OPTC: variants seen among roughly 807,000 people sequenced by gnomAD.
The protein encoded by OPTC is oculoglycan.
A neutral mutation model predicts 25.4 loss-of-function variants in OPTC; 22 were observed. The observed-to-expected ratio is 0.87, with a 90% CI of 0.62 to 1.24. OPTC has a LOEUF of 1.24. Ranked by LOEUF, OPTC falls within the 50% of genes most tolerant of loss-of-function variation. OPTC has a pLI of 0.00. For missense variants in OPTC, 417 were observed against 425.2 expected, an observed-to-expected ratio of 0.98 and a Z score of 0.17; for synonymous variants, 169 against 179.3, an observed-to-expected ratio of 0.94 and a Z score of 0.46.
chr1:203,507,159 T>C (rs1661505507), intron 7 of OPTC, among the ~76,000 whole-genome samples: 1 of 152,200 alleles, frequency 6.6e-6, no homozygotes, highest in African/African-American at 2.4e-5. Context: ...TCGATCTTGA[T>C]GTGAACAGCT....
At chr1:203,502,307 G>A (rs1383542814) in intron 5 of OPTC, among the ~76,000 whole-genome samples, 1 of 152,118 alleles carries the variant, frequency 6.6e-6, no homozygotes, top group Middle Eastern at 3.2e-3. Context: ...TGCTGGTCTG[G>A]CTGTCTCCCG....
intron 1 of OPTC, among the ~76,000 whole-genome samples, chr1:203,494,641 C>T (rs578176627): frequency 1.3e-5 from 2 of 151,380 alleles, no homozygotes; most frequent in Non-Finnish European, 2.9e-5. Context: ...AGAGTGACAC[C>T]GTCTTAAAAA....
intron 1 of OPTC, among the ~76,000 whole-genome samples, chr1:203,495,690 T>G (rs1173118252): frequency 6.6e-6 from 1 of 152,170 alleles, no homozygotes; most frequent in Non-Finnish European, 1.5e-5. Context: ...TGTGAATGTG[T>G]CTGTGTTGAG....
Position 203,496,229 on chromosome 1 carries a change from T to A in OPTC, c.224T>A (p.Leu75His). Reference protein sequence around the residue: ...YEELTDYGDQLPEVKVTSLAP... With the variant: ...YEELTDYGDQHPEVKVTSLAP... ...GAGCTCACAGATTATGGGGACCAAC[T>A]CCCCGAGGTGAGGGACACAGCAGAC... Residue 75 changes from leucine (L) to histidine (H), a missense_variant, in exon 2 of 8, where the codon CTC (leucine) becomes CAC (histidine). Physicochemically the swap from Leu to His is moderately conservative, Grantham distance 99. Coordinates refer to ENST00000367222, the MANE Select transcript of OPTC (RefSeq NM_014359.4). 1 of 1,611,640 alleles carries A rather than the reference T, an allele frequency of 6.2e-7. No homozygotes were observed. Among genetic ancestry groups the A allele is most frequent in the Non-Finnish European group, 8.5e-7 (1 of 1,177,788 alleles).
In OPTC at chr1:203,503,536, T is replaced by C. The variant is rs1274366560; in HGVS notation, c.829-14T>C. ...GCCTCTTGGTGAGGCTCAGCTGGTA[T>C]GTGTTCTTCCCAGAATAACCTGATA... On this transcript the variant is annotated splice_polypyrimidine_tract_variant and intron_variant, in intron 6 of 7. Transcript: ENST00000367222. 20 of 1,612,922 alleles carry C rather than the reference T, an allele frequency of 1.2e-5. No homozygotes were observed. The highest frequency in any genetic ancestry group is 2.5e-6 in the Non-Finnish European group (3 of 1,179,940).
chr1:203,503,569 T>C lies in OPTC; in HGVS notation c.848T>C (p.Met283Thr). Reference sequence around the variant, plus strand: ...TCCCAGAATAACCTGATAGAGACCATGCAGAGAGACGTCTTCTGTGACCCC... The same window carrying C: ...TCCCAGAATAACCTGATAGAGACCACGCAGAGAGACGTCTTCTGTGACCCC... ...VHLQNNLIET[M>T]QRDVFCDPEE... is the part of the protein sequence containing the mutation. Residue 283 changes from methionine (M) to threonine (T), a missense_variant, in exon 7 of 8, where the codon ATG (methionine) becomes ACG (threonine). Transcript: ENST00000367222. 1.2e-6 allele frequency: 2 copies of C among 1,613,634 alleles called. No individual in the cohort carries two copies. Among genetic ancestry groups the C allele is most frequent in the Non-Finnish European group, 1.7e-6 (2 of 1,180,018 alleles).
At chr1:203,505,610 G>T (rs1000863784) in intron 7 of OPTC, among the ~76,000 whole-genome samples, 1 of 152,220 alleles carries the variant, frequency 6.6e-6, no homozygotes, top group African/African-American at 2.4e-5. Context: ...CAGATGGAGA[G>T]ATGGAGAACT....
In OPTC at chr1:203,496,890, A is replaced by C. The variant is rs1003798720; in HGVS notation, c.232-87A>C. On this transcript the variant is annotated intron_variant, in intron 2 of 7. Transcript: ENST00000367222. ...CCACAGTGACTCTTTGCTGGTTTGA[A>C]ATCCATCACTGAGGTTCCCAGAGTC... 4 of 1,412,824 alleles carry C rather than the reference A, an allele frequency of 2.8e-6. No individual in the cohort carries two copies. The African/African-American group carries it at 5.7e-5, about 20-fold the overall frequency. The allele number at this position is 1,412,824 out of a possible 1,614,324, so 87.5% of individuals were successfully genotyped here.
rs776915483 is a variant in OPTC at position 203,496,995 on chromosome 1, G to T, written c.250G>T (p.Ala84Ser). 2 of 1,614,020 alleles carry T rather than the reference G, an allele frequency of 1.2e-6. No homozygotes were observed. Among genetic ancestry groups the T allele is most frequent in the Non-Finnish European group, 1.7e-6 (2 of 1,180,010 alleles). The change falls in exon 3 of 8, where the codon GCT becomes TCT. Residue 84 changes from alanine to serine, a missense_variant. Ala to Ser is a moderately conservative substitution (Grantham distance 99). Transcript: ENST00000367222. ...TCTCCAGGTTAAGGTGACTAGCCTCGCTCCTGCAACCAGCATCAGTCCCGC... is the reference window on the plus strand; with the variant it reads ...TCTCCAGGTTAAGGTGACTAGCCTCTCTCCTGCAACCAGCATCAGTCCCGC... ...QLPEVKVTSL[A>S]PATSISPAKS... is the part of the protein sequence containing the mutation.
In OPTC at chr1:203,498,654, C is replaced by A. The variant is rs373363735; in HGVS notation, c.371-27C>A. 4.4e-5 allele frequency: 71 copies of A among 1,614,060 alleles called. No individual in the cohort carries two copies. The Middle Eastern group carries it at 6.6e-4, about 15-fold the overall frequency. On this transcript the variant is annotated intron_variant, in intron 3 of 7. Transcript: ENST00000367222. ...GGCCCCAGAGGCTAAAGAGATCTCC[C>A]TTTGTTCTGTCTTCCACCTGGGCCA... is the stretch of plus-strand genomic sequence containing the variant.
chr1:203,503,047 G>A (rs372867616), intron 6 of OPTC, 38 bp downstream of exon 6: 54 of 1,519,456 alleles, frequency 3.6e-5, no homozygotes, highest in East Asian at 6.8e-5. Flanking sequence ...GATAAACAGC[G>A]TGGAGGATGG....
chr1:203,496,163 C>T lies in OPTC; in HGVS notation c.158C>T (p.Pro53Leu), dbSNP rs1661276216. The change falls in exon 2 of 8, where the codon CCA (proline) becomes CTA (leucine). Residue 53 changes from proline (P) to leucine (L), a missense_variant. Pro to Leu is a moderately conservative substitution (Grantham distance 98, BLOSUM62 -3). Coordinates refer to ENST00000367222, the MANE Select transcript of OPTC (RefSeq NM_014359.4). ...CCTCTGCGGAATGATGTCCTGAACC[C>T]AGACAACTATGGTGAAGTCATTGAC... ...VLPLRNDVLNPDNYGEVIDLS... is the reference protein window; with the variant it reads ...VLPLRNDVLNLDNYGEVIDLS... The T allele has an allele frequency of 6.2e-7, 1 of 1,614,146 alleles. No homozygotes were observed. The highest frequency in any genetic ancestry group is 2.2e-5 in the East Asian group (1 of 44,878).
intron 6 of OPTC, 44 bp downstream of exon 6, chr1:203,503,053 G>A (rs1371056449): frequency 1.3e-6 from 2 of 1,498,240 alleles, no homozygotes; most frequent in Non-Finnish European, 1.9e-6. Context: ...CAGCGTGGAG[G>A]ATGGAAGTTA....
chr1:203,496,832 A>G, intron 2 of OPTC, 145 bp from the exon 3 acceptor site: 1 of 831,460 alleles, frequency 1.2e-6, no homozygotes, highest in Non-Finnish European at 2.0e-6. Flanking sequence ...CCCTTTTTGC[A>G]CAGTCTTTCT....
At chr1:203,498,988 C>A in intron 4 of OPTC, 149 bp downstream of exon 4, 2 of 864,716 alleles carry the variant, frequency 2.3e-6, no homozygotes, top group East Asian at 2.6e-5. Flanking sequence ...GGAAATAGCC[C>A]GAAGTCTCTA....
At chr1:203,504,822 A>G (rs755962496) in intron 7 of OPTC, among the ~76,000 whole-genome samples, 15 of 152,176 alleles carry the variant, frequency 9.9e-5, no homozygotes, top group Non-Finnish European at 1.9e-4. Context: ...TGGGGTTTCC[A>G]TCCTTCCCAT....
intron 1 of OPTC, 134 bp from the exon 2 acceptor site, chr1:203,495,831 A>G: frequency 1.6e-6 from 1 of 643,844 alleles, no homozygotes; most frequent in Non-Finnish European, 2.8e-6. Flanking sequence ...CTGGTAGGGA[A>G]TTTGTGCATG....
In OPTC at chr1:203,499,677, C is replaced by T. The variant is rs771158780; in HGVS notation, c.558C>T (p.Asn186=). 2 of 1,613,484 alleles carry T rather than the reference C, an allele frequency of 1.2e-6. No homozygotes were observed. The highest frequency in any genetic ancestry group is 3.3e-5 in the Admixed American group (2 of 59,968). ...AGTTGAAGAGGATTGACCTCTCCAA[C>T]AACCTCATTTCCTCCATCGATAATG... The part of the protein sequence containing the change: ...LTKLKRIDLS[N]NLISSIDNDA... Residue 186 remains asparagine (N), a synonymous_variant, in exon 5 of 8, where the codon AAC becomes AAT. Transcript: ENST00000367222.
chr1:203,499,639 C>G lies in OPTC; in HGVS notation c.530-10C>G. 6.2e-7 allele frequency: 1 copy of G among 1,611,912 alleles called. No homozygotes were observed. Among genetic ancestry groups the G allele is most frequent in the Non-Finnish European group, 8.5e-7 (1 of 1,178,466 alleles). ...GGTTTCTCTCTTTGTTCTCCCCTAA[C>G]CTCTCTCAGCAAAGTTGAAGAGGAT... On this transcript the variant is annotated splice_polypyrimidine_tract_variant and intron_variant, in intron 4 of 7. Transcript: ENST00000367222.
Sources: allele counts gnomAD v4.1 joint callset (sites outside exome capture counted in the v4.1 genomes callset), GRCh38; gene constraint gnomAD v4.1.1; transcripts MANE v1.5; gene names NCBI Gene and HGNC (gene_info 2026-07-23, HGNC 2026-07-21).